The following MDGA2 variants were observed in gnomAD, a reference collection of about 807,000 sequenced individuals.
MDGA2 encodes the protein MAM domain containing glycosylphosphatidylinositol anchor 2.
In MDGA2, 40 loss-of-function variants were observed where a neutral mutation model predicts 117.8. The observed-to-expected ratio is 0.34, with a 90% CI of 0.26 to 0.44. The LOEUF (loss-of-function observed/expected upper bound fraction) is 0.44. Among genes scored for constraint, MDGA2 ranks in the 20% least tolerant of loss-of-function variants. The probability of loss-of-function intolerance (pLI) is 1.00; values close to 1 mark genes in which losing one functional copy is unlikely to be tolerated. For synonymous variants in MDGA2, 452 were observed against 439.0 expected (o/e 1.03, Z -0.37); for missense variants, 1,123 against 1,250.6 (o/e 0.90, Z 1.54).
intron 1 of MDGA2, among the ~76,000 whole-genome samples, chr14:47,624,675 C>G (rs1897109346): frequency 6.6e-6 from 1 of 152,066 alleles, no homozygotes; most frequent in African/African-American, 2.4e-5. Flanking sequence ...CTATATGCTT[C>G]TAATTTTAAA....
intron 2 of MDGA2, among the ~76,000 whole-genome samples, chr14:47,264,988 T>C (rs1194759107): frequency 6.6e-6 from 1 of 152,108 alleles, no homozygotes; most frequent in Non-Finnish European, 1.5e-5. Flanking sequence ...GGTACCTATG[T>C]TCAGTGTTAT....
intron 5 of MDGA2, among the ~76,000 whole-genome samples, chr14:47,122,148 C>G (rs1881683914): frequency 6.6e-6 from 1 of 151,868 alleles, no homozygotes; most frequent in Non-Finnish European, 1.5e-5. Flanking sequence ...GCATTCTATT[C>G]CCATCATTAT....
Position 47,361,203 on chromosome 14 carries a change from C to A in MDGA2, c.281-59653G>T, listed in dbSNP as rs1385675297. On this transcript the variant is annotated intron_variant, in intron 1 of 16. Transcript: ENST00000399232. ...CATGTTGTACTCTCTCTCTCTCTCT[C>A]TCTCTATATATATATATATATATAT... Among the ~76,000 whole-genome samples the A allele has an allele frequency of 2.3e-5, 3 of 130,214 alleles. No individual in the cohort carries two copies. The East Asian group carries it at 7.5e-4, about 33-fold the overall frequency. 85.4% of individuals were successfully genotyped at this position (130,214 alleles called of 152,430 possible).
At chr14:47,132,660 G>A (rs1040224246) in intron 4 of MDGA2, among the ~76,000 whole-genome samples, 12 of 151,796 alleles carry the variant, frequency 7.9e-5, no homozygotes, top group African/African-American at 2.9e-4. Context: ...TAGGTCCCCT[G>A]GGCTTTCTTT....
At chr14:46,902,663 T>C (rs1269225388) in intron 10 of MDGA2, among the ~76,000 whole-genome samples, 2 of 152,210 alleles carry the variant, frequency 1.3e-5, no homozygotes, top group Non-Finnish European at 2.9e-5. Context: ...AGTGAGTTCC[T>C]TCCCACGATT....
chr14:47,464,800 C>T (rs1232841389), intron 1 of MDGA2, among the ~76,000 whole-genome samples: 1 of 152,104 alleles, frequency 6.6e-6, no homozygotes, highest in Non-Finnish European at 1.5e-5. Context: ...ATACCAAAGA[C>T]ATTCTTCACA....
chr14:46,943,532 G>T (rs556845005), intron 9 of MDGA2, among the ~76,000 whole-genome samples: 1 of 151,962 alleles, frequency 6.6e-6, no homozygotes, highest in Non-Finnish European at 1.5e-5. Context: ...ATGGCTTAAA[G>T]TATGCAACAT....
intron 1 of MDGA2, among the ~76,000 whole-genome samples, chr14:47,470,717 T>G (rs1893707193): frequency 6.6e-6 from 1 of 152,120 alleles, no homozygotes; most frequent in South Asian, 2.1e-4. Context: ...GTTGAACTAA[T>G]TTACAATCCC....
chr14:47,194,269 G>A (rs1885211134), intron 3 of MDGA2, among the ~76,000 whole-genome samples: 1 of 152,110 alleles, frequency 6.6e-6, no homozygotes, highest in Admixed American at 6.5e-5. Context: ...AAGAATGTGA[G>A]TCATTCATTT....
intron 1 of MDGA2, among the ~76,000 whole-genome samples, chr14:47,428,527 T>C (rs1222307307): frequency 6.6e-6 from 1 of 152,108 alleles, no homozygotes; most frequent in East Asian, 1.9e-4. Context: ...AATAAAAATG[T>C]CACCTTAAAA....
chr14:47,497,458 A>T (rs1447519707), intron 1 of MDGA2, among the ~76,000 whole-genome samples: 2 of 152,046 alleles, frequency 1.3e-5, no homozygotes, highest in African/African-American at 4.8e-5. Flanking sequence ...GGGTCTCACC[A>T]TGTTGGCCAG....
intron 1 of MDGA2, among the ~76,000 whole-genome samples, chr14:47,340,743 T>TTCTCATAAATCTGGACTCAG (rs1219213111): frequency 3.9e-5 from 6 of 152,180 alleles, no homozygotes; most frequent in African/African-American, 1.4e-4. Flanking sequence ...AGTTCCTCTT[T>TTCTCATAAATCTGGACTCAG]TCTCATAAAT....
At chr14:47,223,716 T>C (rs1355881817) in intron 2 of MDGA2, among the ~76,000 whole-genome samples, 1 of 152,172 alleles carries the variant, frequency 6.6e-6, no homozygotes, top group Non-Finnish European at 1.5e-5. Flanking sequence ...ATTTCAGATA[T>C]GCTATTGTAT....
At chr14:47,211,967 G>A (rs1442334383) in intron 3 of MDGA2, among the ~76,000 whole-genome samples, 1 of 152,074 alleles carries the variant, frequency 6.6e-6, no homozygotes, top group Non-Finnish European at 1.5e-5. Flanking sequence ...CCCATTGAAG[G>A]TATAAATTAT....
At chr14:47,548,500 C>A (rs955073441) in intron 1 of MDGA2, among the ~76,000 whole-genome samples, 1 of 152,064 alleles carries the variant, frequency 6.6e-6, no homozygotes, top group Non-Finnish European at 1.5e-5. Flanking sequence ...TACATGCATC[C>A]ATAGAAGTCT....
At chr14:47,174,324 C>T (rs908416209) in intron 3 of MDGA2, among the ~76,000 whole-genome samples, 3 of 152,136 alleles carry the variant, frequency 2.0e-5, no homozygotes, top group Non-Finnish European at 2.9e-5. Context: ...GAACTCTCCA[C>T]CCCAAATCAA....
intron 8 of MDGA2, among the ~76,000 whole-genome samples, chr14:46,995,976 A>C (rs1887274445): frequency 6.6e-6 from 1 of 152,050 alleles, no homozygotes; most frequent in African/African-American, 2.4e-5. Flanking sequence ...ATTTAAAAAA[A>C]AGCACTGGTC....
At chr14:47,434,963 C>T (rs1892868658) in intron 1 of MDGA2, among the ~76,000 whole-genome samples, 2 of 151,998 alleles carry the variant, frequency 1.3e-5, no homozygotes, top group African/African-American at 4.8e-5. Flanking sequence ...TGGGGAAAAC[C>T]TGTCTGTACT....
chr14:47,123,241 C>T (rs962512339), intron 5 of MDGA2, among the ~76,000 whole-genome samples: 6 of 151,886 alleles, frequency 4.0e-5, no homozygotes, highest in Non-Finnish European at 7.4e-5. Context: ...TAAAGAAATA[C>T]AAAAATTTCA....
Sources: gnomAD v4.1 joint callset for allele counts (sites outside exome capture counted in the v4.1 genomes callset) on GRCh38, gnomAD v4.1.1 for gene constraint, MANE v1.5 for transcripts, NCBI Gene and HGNC (gene_info 2026-07-23, HGNC 2026-07-21) for gene names.